SGCD: variants seen among roughly 807,000 people sequenced by gnomAD.
SGCD encodes sarcoglycan delta, also known as delta-sarcoglycan.
A neutral mutation model predicts 36.6 loss-of-function variants in SGCD; 18 were observed. The observed-to-expected ratio is 0.49, with a 90% confidence interval of 0.34 to 0.73. The LOEUF is 0.73. Among genes scored for constraint, SGCD ranks in the 30% least tolerant of loss-of-function variants. The pLI is 0.01. For synonymous variants in SGCD, 133 were observed against 130.6 expected, an observed-to-expected ratio of 1.02 and a Z score of -0.12; for missense variants, 387 against 346.7, an observed-to-expected ratio of 1.12 and a Z score of -0.92.
intron 3 of SGCD, among the ~76,000 whole-genome samples, chr5:156,423,429 AAATATAATATATTTATTTTAT>A (rs1773513994): frequency 1.1e-5 from 1 of 92,346 alleles, no homozygotes; most frequent in African/African-American, 4.3e-5. Flanking sequence ...TATTTTAATA[AAATATAATATATTTATTTTAT>A]TATAATATAT....
intron 3 of SGCD, among the ~76,000 whole-genome samples, chr5:156,283,293 T>G (rs1365548144): frequency 6.6e-6 from 1 of 152,174 alleles, no homozygotes; most frequent in Non-Finnish European, 1.5e-5. Context: ...ACTGGAAAGC[T>G]GAGTTGCTTT....
chr5:156,516,913 G>T (rs115397071), intron 4 of SGCD, among the ~76,000 whole-genome samples: 292 of 152,222 alleles, frequency 1.9e-3, no homozygotes, highest in African/African-American at 6.7e-3. Flanking sequence ...CAGGACAATT[G>T]CTTGAACCCG....
chr5:156,047,204 AG>A (rs1480528965), intron 1 of SGCD, among the ~76,000 whole-genome samples: 5 of 152,186 alleles, frequency 3.3e-5, no homozygotes, highest in African/African-American at 4.8e-5. Context: ...GTTTAAAGAA[AG>A]AAACCAACTC....
the SGCD span, among the ~76,000 whole-genome samples, chr5:155,801,093 A>G: frequency 2.0e-5 from 3 of 152,104 alleles, no homozygotes; most frequent in Non-Finnish European, 4.4e-5. Context: ...ATGGAGGAAG[A>G]TTGGAACTGA....
In SGCD at chr5:156,538,730, C is replaced by T. The variant is rs561505751; in HGVS notation, c.294+30028C>T. Among the ~76,000 whole-genome samples the T allele has an allele frequency of 6.6e-5, 10 of 152,078 alleles. No homozygotes were observed. The South Asian group carries it at 1.9e-3, about 28-fold the overall frequency. On this transcript the variant is annotated intron_variant, in intron 4 of 8. Transcript: ENST00000337851. Reference sequence around the variant, plus strand: ...GTAGATGCTAAATAAATGATTATTGCATAAATAGAAAGAGTTAAGGAAGAG... The same window carrying T: ...GTAGATGCTAAATAAATGATTATTGTATAAATAGAAAGAGTTAAGGAAGAG...
At chr5:156,392,096 T>C (rs990666707) in intron 3 of SGCD, among the ~76,000 whole-genome samples, 2 of 152,220 alleles carry the variant, frequency 1.3e-5, no homozygotes, top group Non-Finnish European at 2.9e-5. Flanking sequence ...ATACTTACCT[T>C]TGTATGGCTC....
At chr5:156,034,307 C>G (rs954332074) in intron 1 of SGCD, among the ~76,000 whole-genome samples, 1 of 152,168 alleles carries the variant, frequency 6.6e-6, no homozygotes, top group Non-Finnish European at 1.5e-5. Context: ...CTCCACCAAA[C>G]CTTTTGAAAA....
At chr5:156,612,246 G>T (rs528867807) in intron 6 of SGCD, among the ~76,000 whole-genome samples, 1 of 152,316 alleles carries the variant, frequency 6.6e-6, no homozygotes, top group Non-Finnish European at 1.5e-5. Context: ...TCCTGTAGAT[G>T]AGTCCTATGA....
intron 1 of SGCD, among the ~76,000 whole-genome samples, chr5:155,909,039 T>C (rs958880098): frequency 6.6e-6 from 1 of 152,134 alleles, no homozygotes; most frequent in Non-Finnish European, 1.5e-5. Flanking sequence ...CATGATTTCA[T>C]GTTTTAAATC....
chr5:156,534,598 C>G (rs984327163), intron 4 of SGCD, among the ~76,000 whole-genome samples: 1 of 152,302 alleles, frequency 6.6e-6, no homozygotes, highest in Admixed American at 6.5e-5. Flanking sequence ...GGAAGACTTG[C>G]ATCAAGGTGC....
At chr5:156,329,425 C>A in intron 1 of SGCD, 109 bp from the exon 2 acceptor site, 1 of 786,078 alleles carries the variant, frequency 1.3e-6, no homozygotes, top group Non-Finnish European at 2.2e-6. Context: ...TGGAAGTAAT[C>A]AGAAAGCACA....
the SGCD span, among the ~76,000 whole-genome samples, chr5:155,864,050 G>A: frequency 4.6e-5 from 7 of 152,232 alleles, no homozygotes; most frequent in South Asian, 1.5e-3. Flanking sequence ...GGCCATGTGG[G>A]CTGCCCAAGG....
intron 3 of SGCD, among the ~76,000 whole-genome samples, chr5:156,226,743 A>C (rs1764869826): frequency 6.6e-6 from 1 of 152,036 alleles, no homozygotes; most frequent in Non-Finnish European, 1.5e-5. Context: ...CCATGCCAAC[A>C]TCTACATCTA....
chr5:156,425,334 C>A (rs1246605992), intron 3 of SGCD, among the ~76,000 whole-genome samples: 1 of 152,050 alleles, frequency 6.6e-6, no homozygotes, highest in East Asian at 1.9e-4. Context: ...AAACTGCCTT[C>A]AAGAATTGAT....
chr5:156,102,863 T>G (rs1286466429), intron 1 of SGCD, among the ~76,000 whole-genome samples: 1 of 152,220 alleles, frequency 6.6e-6, no homozygotes, highest in Non-Finnish European at 1.5e-5. Flanking sequence ...ACATACACAC[T>G]ATATAAATAT....
chr5:156,234,530 T>C (rs1765106925), intron 3 of SGCD, among the ~76,000 whole-genome samples: 1 of 152,190 alleles, frequency 6.6e-6, no homozygotes, highest in Non-Finnish European at 1.5e-5. Flanking sequence ...ACAATATTTC[T>C]CTAAGTGAAA....
intron 3 of SGCD, among the ~76,000 whole-genome samples, chr5:156,427,811 T>C (rs1024841028): frequency 4.6e-5 from 7 of 152,212 alleles, no homozygotes; most frequent in Admixed American, 1.3e-4. Context: ...ATTTTTGTTT[T>C]TAATTCTCTT....
At chr5:156,345,363 A>G (rs1768891961) in intron 3 of SGCD, among the ~76,000 whole-genome samples, 2 of 152,166 alleles carry the variant, frequency 1.3e-5, no homozygotes, top group East Asian at 3.8e-4. Context: ...ATCCTGAAAA[A>G]TGACTTTTGG....
At chr5:156,482,894 G>A (rs991546432) in intron 3 of SGCD, among the ~76,000 whole-genome samples, 13 of 134,420 alleles carry the variant, frequency 9.7e-5, no homozygotes, top group African/African-American at 3.0e-4. Context: ...TCTCAACCAT[G>A]GGACTTTTGA....
Sources: allele counts gnomAD v4.1 joint callset (sites outside exome capture counted in the v4.1 genomes callset), GRCh38; gene constraint gnomAD v4.1.1; transcripts MANE v1.5; gene names NCBI Gene and HGNC (gene_info 2026-07-23, HGNC 2026-07-21).